RBFOX1: variants seen among roughly 807,000 people sequenced by gnomAD.
The protein encoded by RBFOX1 is RNA binding fox-1 homolog 1.
Under a neutral mutation model 57.7 loss-of-function variants are expected in RBFOX1, and 8 were observed. The observed-to-expected ratio is 0.14, with a 90% CI of 0.08 to 0.25. The LOEUF (loss-of-function observed/expected upper bound fraction) is 0.25. Ranked by LOEUF, RBFOX1 falls within the 10% of genes least tolerant of loss-of-function variation. RBFOX1 has a pLI of 1.00. For synonymous variants in RBFOX1, 326 were observed against 222.4 expected (o/e 1.47, Z -4.15); for missense variants, 611 against 548.5 (o/e 1.11, Z -1.14).
intron 14 of RBFOX1, among the ~76,000 whole-genome samples, chr16:7,684,063 C>T (rs1033052299): frequency 6.6e-6 from 1 of 152,148 alleles, no homozygotes; most frequent in East Asian, 1.9e-4. Flanking sequence ...TCTAATATTT[C>T]ATTTTAAGTT....
chr16:6,649,606 A>G (rs1433759148), intron 2 of RBFOX1, among the ~76,000 whole-genome samples: 1 of 152,172 alleles, frequency 6.6e-6, no homozygotes, highest in Non-Finnish European at 1.5e-5. Context: ...ATGAATGAGA[A>G]CATGCAATGT....
intron 4 of RBFOX1, among the ~76,000 whole-genome samples, chr16:7,420,543 A>T (rs917445017): frequency 6.6e-6 from 1 of 152,176 alleles, no homozygotes; most frequent in Non-Finnish European, 1.5e-5. Flanking sequence ...CTTTTCTGCA[A>T]GAGCTTTCCT....
intron 4 of RBFOX1, among the ~76,000 whole-genome samples, chr16:7,507,624 C>G (rs986678722): frequency 2.3e-5 from 3 of 130,128 alleles, no homozygotes; most frequent in East Asian, 4.5e-4. Context: ...AGTGCAGTGG[C>G]GCGATCTTGG....
chr16:6,924,385 C>T (rs1281977581), intron 3 of RBFOX1, among the ~76,000 whole-genome samples: 2 of 151,858 alleles, frequency 1.3e-5, no homozygotes, highest in East Asian at 2.0e-4. Flanking sequence ...GAGGAGGTGC[C>T]AGCCTCCTTT....
In RBFOX1 at chr16:7,487,450, C is replaced by T. The variant is rs185443688; in HGVS notation, c.28-30697C>T. 3.3e-5 allele frequency among the ~76,000 whole-genome samples: 5 copies of T among 152,218 alleles called. No individual in the cohort carries two copies. The East Asian group carries it at 9.7e-4, about 29-fold the overall frequency. The stretch of plus-strand genomic sequence containing the variant: ...TTGAGAAATTCATCTTGTTATATGC[C>T]CAGCACAGTGAATTTCACCTGCGTG... On this transcript the variant is annotated intron_variant, in intron 4 of 15. Coordinates refer to ENST00000550418, the MANE Select transcript of RBFOX1 (RefSeq NM_018723.4).
At chr16:6,674,078 T>C (rs750387690) in intron 3 of RBFOX1, among the ~76,000 whole-genome samples, 34 of 152,300 alleles carry the variant, frequency 2.2e-4, no homozygotes, top group Admixed American at 6.5e-4. Context: ...TTCAGCACTC[T>C]CTTGGTTCTA....
At chr16:6,168,171 G>C (rs757915392) in intron 1 of RBFOX1, among the ~76,000 whole-genome samples, 66 of 152,228 alleles carry the variant, frequency 4.3e-4, no homozygotes, top group Non-Finnish European at 7.2e-4. Context: ...TCAAGAACAG[G>C]CTCACATCAA....
At chr16:6,466,521 C>G (rs766033051) in intron 2 of RBFOX1, among the ~76,000 whole-genome samples, 17 of 152,240 alleles carry the variant, frequency 1.1e-4, no homozygotes, top group South Asian at 2.1e-4. Flanking sequence ...AGAATTCAAC[C>G]TTAGATATGT....
intron 4 of RBFOX1, among the ~76,000 whole-genome samples, chr16:7,148,782 C>T (rs564157611): frequency 6.6e-6 from 1 of 152,300 alleles, no homozygotes; most frequent in South Asian, 2.1e-4. Context: ...TGAGACTAAT[C>T]CTGAGTTCGG....
At chr16:5,297,799 C>T (rs1436530194) in intron 1 of RBFOX1, among the ~76,000 whole-genome samples, 7 of 152,042 alleles carry the variant, frequency 4.6e-5, no homozygotes, top group Admixed American at 1.3e-4. Flanking sequence ...TGATTTTGGG[C>T]GCTACACCGA....
intron 1 of RBFOX1, among the ~76,000 whole-genome samples, chr16:6,165,834 A>C (rs1457405898): frequency 6.6e-6 from 1 of 152,222 alleles, no homozygotes; most frequent in Non-Finnish European, 1.5e-5. Flanking sequence ...TGGAAGGTAA[A>C]TGAGATTTTT....
At chr16:6,156,850 T>TA (rs2096841838) in intron 1 of RBFOX1, among the ~76,000 whole-genome samples, 1 of 152,200 alleles carries the variant, frequency 6.6e-6, no homozygotes, top group Admixed American at 6.5e-5. Flanking sequence ...TATTTCTTAT[T>TA]ATTTTAAGAG....
chr16:6,667,176 A>C (rs777788581), intron 3 of RBFOX1, among the ~76,000 whole-genome samples: 2 of 152,134 alleles, frequency 1.3e-5, no homozygotes, highest in Non-Finnish European at 2.9e-5. Flanking sequence ...GTGTTGAGTT[A>C]AATTAGCCTC....
intron 3 of RBFOX1, among the ~76,000 whole-genome samples, chr16:6,999,335 G>A (rs958747955): frequency 1.3e-5 from 2 of 151,130 alleles, no homozygotes; most frequent in Non-Finnish European, 2.9e-5. Flanking sequence ...GGGATGACAG[G>A]CATGAGCCGT....
chr16:7,549,950 G>T (rs1055621163), intron 5 of RBFOX1, among the ~76,000 whole-genome samples: 1 of 151,924 alleles, frequency 6.6e-6, no homozygotes, highest in Non-Finnish European at 1.5e-5. Context: ...TTTTTTTAGA[G>T]ACAGGGTTTT....
At chr16:5,464,046 G>A (rs952592599) in intron 1 of RBFOX1, among the ~76,000 whole-genome samples, 1 of 152,196 alleles carries the variant, frequency 6.6e-6, no homozygotes, top group Admixed American at 6.5e-5. Context: ...GGACCAGCAG[G>A]AGGAGGGAAT....
intron 3 of RBFOX1, among the ~76,000 whole-genome samples, chr16:6,695,188 G>A (rs1603433820): frequency 6.6e-6 from 1 of 152,110 alleles, no homozygotes; most frequent in Admixed American, 6.5e-5. Flanking sequence ...GGGAGGCCAA[G>A]GCGGTTGGGT....
At chr16:7,247,761 C>T (rs1184780049) in intron 4 of RBFOX1, among the ~76,000 whole-genome samples, 1 of 152,168 alleles carries the variant, frequency 6.6e-6, no homozygotes, top group African/African-American at 2.4e-5. Flanking sequence ...GGAGCAAGGT[C>T]GGTGCTGTTC....
intron 4 of RBFOX1, among the ~76,000 whole-genome samples, chr16:7,509,966 G>GTT (rs5815406): frequency 0.056 from 7,866 of 141,578 alleles, 415 homozygotes; most frequent in African/African-American, 0.15. Flanking sequence ...CGAGCAGTGG[G>GTT]TTTTTTTTTT....
Sources: gnomAD v4.1 joint callset for allele counts (sites outside exome capture counted in the v4.1 genomes callset) on GRCh38, gnomAD v4.1.1 for gene constraint, MANE v1.5 for transcripts, NCBI Gene and HGNC (gene_info 2026-07-23, HGNC 2026-07-21) for gene names.